PAPOLA: variants seen among roughly 807,000 people sequenced by gnomAD.
The protein encoded by PAPOLA is poly(A) polymerase alpha.
In PAPOLA, 15 loss-of-function variants were observed where a neutral mutation model predicts 100.6. The ratio of observed to expected loss-of-function variants is 0.15; its 90% confidence interval spans 0.10 to 0.23. PAPOLA has a LOEUF of 0.23. PAPOLA is among the 10% of genes least tolerant of loss of function. The probability of loss-of-function intolerance (pLI) is 1.00; values close to 1 mark genes in which losing one functional copy is unlikely to be tolerated. For missense variants in PAPOLA, 533 were observed against 884.2 expected, an observed-to-expected ratio of 0.60 and a Z score of 5.04; for synonymous variants, 293 against 300.0, an observed-to-expected ratio of 0.98 and a Z score of 0.24.
chr14:96,551,989 G>A (rs1595552108), intron 16 of PAPOLA, among the ~76,000 whole-genome samples: 1 of 152,130 alleles, frequency 6.6e-6, no homozygotes, highest in Middle Eastern at 3.4e-3. Context: ...AGTAAGGAGT[G>A]GCAATAAGTT....
chr14:96,514,959 C>G (rs1432012528), intron 1 of PAPOLA, among the ~76,000 whole-genome samples: 1 of 151,348 alleles, frequency 6.6e-6, no homozygotes, highest in African/African-American at 2.4e-5. Flanking sequence ...TGAGACCAGA[C>G]TTTGTAGTCT....
intron 1 of PAPOLA, among the ~76,000 whole-genome samples, chr14:96,506,062 C>T (rs1311834049): frequency 6.6e-6 from 1 of 152,160 alleles, no homozygotes; most frequent in Non-Finnish European, 1.5e-5. Flanking sequence ...CGCCACCACG[C>T]TCAGCTAATT....
intron 11 of PAPOLA, among the ~76,000 whole-genome samples, chr14:96,536,443 A>G (rs1324842261): frequency 6.6e-6 from 1 of 152,132 alleles, no homozygotes; most frequent in Non-Finnish European, 1.5e-5. Context: ...AGGTATAGCT[A>G]CTACCAAATA....
rs1566852128 is a variant in PAPOLA at position 96,535,884 on chromosome 14, C to T, written c.915C>T (p.Asn305=). Residue 305 remains asparagine, a synonymous_variant, in exon 11 of 22, where the codon AAC becomes AAT. Coordinates refer to ENST00000216277, the MANE Select transcript of PAPOLA (RefSeq NM_032632.5). ...TTGGCTGTTGTTGTATGTAGGTAAACCCCAGTGATAGGTACCATCTTATGC... is the reference window on the plus strand; with the variant it reads ...TTGGCTGTTGTTGTATGTAGGTAAATCCCAGTGATAGGTACCATCTTATGC... ...LNLPVWDPRV[N]PSDRYHLMPI... 6.3e-7 allele frequency: 1 copy of T among 1,588,174 alleles called. No homozygotes were observed. The highest frequency in any genetic ancestry group is 1.2e-5 in the South Asian group (1 of 86,476).
chr14:96,562,726 G>C, intron 20 of PAPOLA, 93 bp from the exon 21 acceptor site: 1 of 717,480 alleles, frequency 1.4e-6, no homozygotes, highest in Non-Finnish European at 2.4e-6. Flanking sequence ...CTGTCTTCCA[G>C]TTTGTCTTCT....
Position 96,502,581 on chromosome 14 carries a change from G to A in PAPOLA, c.-12G>A. 2 of 1,563,420 alleles carry A rather than the reference G, an allele frequency of 1.3e-6. No individual in the cohort carries two copies. The highest frequency in any genetic ancestry group is 1.2e-5 in the South Asian group (1 of 85,118). Reference sequence around the variant, plus strand: ...GGGGGGAAGTGACTGGGCGGTGCCGGCGCCGGAGACGATGCCGTTGTAAGT... The same window carrying A: ...GGGGGGAAGTGACTGGGCGGTGCCGACGCCGGAGACGATGCCGTTGTAAGT... On this transcript the variant is annotated 5_prime_UTR_variant, in exon 1 of 22. Coordinates refer to ENST00000216277, the MANE Select transcript of PAPOLA (RefSeq NM_032632.5).
chr14:96,548,316 C>A (rs760914188), intron 16 of PAPOLA, among the ~76,000 whole-genome samples: 1 of 151,916 alleles, frequency 6.6e-6, no homozygotes, highest in Non-Finnish European at 1.5e-5. Flanking sequence ...ATGAAAGTCG[C>A]TTTTTTTGGT....
At chr14:96,509,500 C>T (rs149452306) in intron 1 of PAPOLA, among the ~76,000 whole-genome samples, 46 of 152,184 alleles carry the variant, frequency 3.0e-4, no homozygotes, top group African/African-American at 9.9e-4. Context: ...ATGTAACATA[C>T]TATAGAACCT....
chr14:96,502,633 G>A, intron 1 of PAPOLA, 33 bp downstream of exon 1: 5 of 1,564,190 alleles, frequency 3.2e-6, no homozygotes, highest in South Asian at 2.3e-5. Flanking sequence ...TCTTTCGCTC[G>A]CCGGCTGGGC....
At chr14:96,535,704 A>G (rs1191361310) in intron 10 of PAPOLA, 175 bp from the exon 11 acceptor site, 15 of 815,990 alleles carry the variant, frequency 1.8e-5, no homozygotes, top group Non-Finnish European at 2.3e-5. Context: ...GAAATCTTTG[A>G]TTCTATAAAA....
chr14:96,549,496 C>T (rs968760655), intron 16 of PAPOLA, among the ~76,000 whole-genome samples: 9 of 152,084 alleles, frequency 5.9e-5, no homozygotes, highest in African/African-American at 2.2e-4. Flanking sequence ...GATCCGCCTG[C>T]CTCAGCCTTC....
rs368443156 is a variant in PAPOLA, at chr14:96,540,378, CTTTCGTG to C, written c.1116-1864_1116-1858del. ...TTGTCTCCTGTTACAAGTCACTGTACTTTCGTGAGAGAGCTCTTTCTGCATGTTCTTT... is the reference window on the plus strand; with the variant it reads ...TTGTCTCCTGTTACAAGTCACTGTACAGAGAGCTCTTTCTGCATGTTCTTT... On this transcript the variant is annotated intron_variant, in intron 12 of 21. Coordinates refer to ENST00000216277, the MANE Select transcript of PAPOLA (RefSeq NM_032632.5). 7.6e-3 allele frequency among the ~76,000 whole-genome samples: 1,144 copies of C among 150,610 alleles called. 6 individuals are homozygous for C. Among genetic ancestry groups the C allele is most frequent in the Non-Finnish European group, 0.012 (832 of 67,738 alleles).
At chr14:96,518,794 T>G (rs570656017) in intron 1 of PAPOLA, among the ~76,000 whole-genome samples, 18 of 152,016 alleles carry the variant, frequency 1.2e-4, no homozygotes, top group African/African-American at 4.1e-4. Context: ...TGGTGGCCCA[T>G]GCCTGTAATC....
chr14:96,516,394 C>T (rs117087197), intron 1 of PAPOLA, among the ~76,000 whole-genome samples: 1 of 151,400 alleles, frequency 6.6e-6, no homozygotes, highest in Non-Finnish European at 1.5e-5. Context: ...TCCTTCCTCC[C>T]TCCCTCCCTC....
intron 6 of PAPOLA, among the ~76,000 whole-genome samples, chr14:96,529,789 T>G (rs941937733): frequency 1.3e-5 from 2 of 152,140 alleles, no homozygotes; most frequent in African/African-American, 4.8e-5. Context: ...GACATCCACA[T>G]TTTTGGAACC....
intron 1 of PAPOLA, 57 bp downstream of exon 1, chr14:96,502,657 CGGGAAG>C: frequency 6.5e-7 from 1 of 1,547,452 alleles, no homozygotes; most frequent in African/African-American, 1.4e-5. Context: ...GGGGGGCGTC[CGGGAAG>C]GGGAAGAGGT....
intron 10 of PAPOLA, 37 bp downstream of exon 10, chr14:96,534,600 G>C (rs1899355312): frequency 1.2e-6 from 2 of 1,613,092 alleles, no homozygotes; most frequent in African/African-American, 2.7e-5. Flanking sequence ...AATTCACACT[G>C]TGCAATAACA....
chr14:96,559,997 TATTGGA>T (rs1467010640), intron 19 of PAPOLA, among the ~76,000 whole-genome samples: 1 of 152,152 alleles, frequency 6.6e-6, no homozygotes, highest in African/African-American at 2.4e-5. Flanking sequence ...ATAAAGTCCT[TATTGGA>T]ATTGATCGAT....
chr14:96,535,061 G>A (rs1899401001), intron 10 of PAPOLA: 2 of 980,924 alleles, frequency 2.0e-6, no homozygotes, highest in Non-Finnish European at 2.4e-6. Context: ...ATAAAAACAT[G>A]GTTGGGCTAA....
Sources: allele counts gnomAD v4.1 joint callset (sites outside exome capture counted in the v4.1 genomes callset), GRCh38; gene constraint gnomAD v4.1.1; transcripts MANE v1.5; gene names NCBI Gene and HGNC (gene_info 2026-07-23, HGNC 2026-07-21).